Variants in CDK5RAP3 observed in about 807,000 individuals in gnomAD.
CDK5RAP3 encodes the protein CDK5 regulatory subunit-associated protein 3.
Under a neutral mutation model 73.3 loss-of-function variants are expected in CDK5RAP3, and 58 were observed. That is an observed-to-expected ratio of 0.79 (90% CI 0.64 to 0.98). The LOEUF (loss-of-function observed/expected upper bound fraction) is 0.98, where lower values mean the gene tolerates loss of function less well. CDK5RAP3 is among the 50% of genes least tolerant of loss of function. The pLI is 0.00. For synonymous variants in CDK5RAP3, 224 were observed against 247.5 expected (o/e 0.91, Z 0.89); for missense variants, 525 against 615.8 (o/e 0.85, Z 1.56).
At chr17:47,969,185 T>C (rs139995038), upstream of CDK5RAP3, among the ~76,000 whole-genome samples, 158 of 152,262 alleles carry the variant, frequency 1.0e-3, 1 homozygote, top group East Asian at 1.4e-3. Context: ...TATCACACTA[T>C]GCATTTCAAT....
At chr17:47,972,106 A>AC (rs1317684885) in intron 2 of CDK5RAP3, among the ~76,000 whole-genome samples, 1 of 151,190 alleles carries the variant, frequency 6.6e-6, no homozygotes, top group Non-Finnish European at 1.5e-5. Context: ...AAAAAAAAAA[A>AC]ACCTCATTTA....
At chr17:47,971,826 C>CA (rs1204797886) in intron 2 of CDK5RAP3, among the ~76,000 whole-genome samples, 5 of 151,746 alleles carry the variant, frequency 3.3e-5, no homozygotes, top group East Asian at 1.9e-4. Context: ...ACTAAAAATA[C>CA]AAAAAAATAA....
At chr17:47,970,291 A>G (rs1165497140), upstream of CDK5RAP3, among the ~76,000 whole-genome samples, 5 of 152,170 alleles carry the variant, frequency 3.3e-5, no homozygotes, top group Admixed American at 3.3e-4. Flanking sequence ...CATCTACGGT[A>G]TAGAGGTTGG....
chr17:47,979,808 C>T (rs1011173671), intron 11 of CDK5RAP3: 10 of 152,248 alleles, frequency 6.6e-5, no homozygotes, highest in African/African-American at 2.4e-4. Flanking sequence ...GTTCTCTCCT[C>T]TTTCTGCCCA....
chr17:47,978,143 C>T, intron 10 of CDK5RAP3: 1 of 384,414 alleles, frequency 2.6e-6, no homozygotes, highest in Non-Finnish European at 4.7e-6. Flanking sequence ...GATCTCAGCT[C>T]GCTGCAACCT....
At chr17:47,978,390 TGAGAG>T (rs2036469691) in intron 10 of CDK5RAP3, among the ~76,000 whole-genome samples, 1 of 151,894 alleles carries the variant, frequency 6.6e-6, no homozygotes, top group Non-Finnish European at 1.5e-5. Context: ...TCTTAAAAGT[TGAGAG>T]TTTAGAAACT....
chr17:47,974,160 T>C, intron 4 of CDK5RAP3, 129 bp downstream of exon 4: 1 of 744,552 alleles, frequency 1.3e-6, no homozygotes, highest in South Asian at 1.7e-5. Context: ...TTTCACTCTG[T>C]CTCTATAGTT....
intron 10 of CDK5RAP3, 86 bp from the exon 11 acceptor site, chr17:47,978,743 T>G (rs1027029697): frequency 6.0e-5 from 62 of 1,025,490 alleles, no homozygotes; most frequent in Non-Finnish European, 8.4e-5. Context: ...CTGTCCGTAT[T>G]AATCCTCCAG....
intron 9 of CDK5RAP3, 98 bp downstream of exon 9, chr17:47,976,920 C>A: frequency 1.4e-6 from 1 of 702,094 alleles, no homozygotes; most frequent in Non-Finnish European, 2.4e-6. Flanking sequence ...AAGTTCATAG[C>A]TCTAAGACCA....
At chr17:47,976,623 CAA>C in intron 8 of CDK5RAP3, 87 bp from the exon 9 acceptor site, 1 of 915,148 alleles carries the variant, frequency 1.1e-6, no homozygotes, top group Non-Finnish European at 1.8e-6. Context: ...CTCGGCCTCC[CAA>C]AGTACTGGGG....
Position 47,973,588 on chromosome 17 carries a change from T to C in CDK5RAP3, c.122T>C (p.Ile41Thr), listed in dbSNP as rs1711635041. 1.2e-6 allele frequency: 2 copies of C among 1,614,144 alleles called. No homozygotes were observed. The highest frequency in any genetic ancestry group is 1.7e-6 in the Non-Finnish European group (2 of 1,180,028). ...CTGGTGCTGACGATCCGCGAGAAGA[T>C]CAATGCTGCCATCCAGGACATGCCA... ...QSLVLTIREK[I>T]NAAIQDMPES... is the part of the protein sequence containing the mutation. The change falls in exon 3 of 14, where the codon ATC becomes ACC. Residue 41 changes from isoleucine to threonine, a missense_variant. By Grantham distance (89) the Ile-to-Thr change is moderately conservative (BLOSUM62 -1). This residue lies in a region of CDK5RAP3 where 409 missense variants were observed against 429.8 expected (regional missense o/e 0.95). Coordinates refer to ENST00000338399, the MANE Select transcript of CDK5RAP3 (RefSeq NM_176096.3).
At chr17:47,970,635 G>C, upstream of CDK5RAP3, 1 of 1,534,690 alleles carries the variant, frequency 6.5e-7, no homozygotes, top group Non-Finnish European at 8.7e-7. Flanking sequence ...GTCTATTAGA[G>C]AAACTGAATG....
chr17:47,976,664 C>G, intron 8 of CDK5RAP3, 48 bp from the exon 9 acceptor site: 2 of 1,352,696 alleles, frequency 1.5e-6, no homozygotes, highest in Middle Eastern at 2.6e-4. Context: ...ATGCCCGGCC[C>G]TTTTTAAATC....
chr17:47,981,039 A>T, intron 12 of CDK5RAP3, 124 bp from the exon 13 acceptor site: 1 of 1,097,480 alleles, frequency 9.1e-7, no homozygotes, highest in Non-Finnish European at 1.3e-6. Flanking sequence ...GAAAGGGTTT[A>T]AGGATGTGAG....
At chr17:47,974,965 T>TA in intron 5 of CDK5RAP3, 194 bp from the exon 6 acceptor site, 1 of 1,451,198 alleles carries the variant, frequency 6.9e-7, no homozygotes, top group Non-Finnish European at 9.1e-7. Flanking sequence ...TGATAAATGT[T>TA]ATTGTCGCTG....
Position 47,975,922 on chromosome 17 carries a change from C to G in CDK5RAP3, c.707C>G (p.Ser236Ter). Residue 236 changes from serine to a stop codon, truncating the protein, a stop_gained, in exon 8 of 14, where the codon TCA becomes TGA. Transcript: ENST00000338399. LOFTEE classifies it high-confidence loss of function. ...MLRFVQKRGN[S>*]TVYEWRTGTE... The stretch of plus-strand genomic sequence containing the variant: ...CGGTTCGTGCAGAAGCGGGGAAACT[C>G]AACGGTGTACGAGTGGAGGACAGGG... 1.2e-6 allele frequency: 2 copies of G among 1,614,218 alleles called. No homozygotes were observed. The highest frequency in any genetic ancestry group is 2.7e-5 in the African/African-American group (2 of 75,052).
chr17:47,976,098 C>G, intron 8 of CDK5RAP3, 85 bp downstream of exon 8: 3 of 1,498,672 alleles, frequency 2.0e-6, no homozygotes, highest in Admixed American at 2.0e-5. Context: ...ACCCAAGACC[C>G]AGAGAGAAGA....
At position 47,977,939 on chromosome 17, in the gene CDK5RAP3, C is replaced by T. The variant is rs576541549; in HGVS notation, c.988+29C>T. The T allele has an allele frequency of 3.6e-5, 57 of 1,598,368 alleles. 1 individual carries two copies. In the South Asian group the frequency reaches 6.2e-4, roughly 17 times the overall value. ...AGTGCACCATCCCCTGCAGCCCTGGCAAAAGTGGGGTGCTCAAGGGCCCCC... is the reference window on the plus strand; with the variant it reads ...AGTGCACCATCCCCTGCAGCCCTGGTAAAAGTGGGGTGCTCAAGGGCCCCC... On this transcript the variant is annotated intron_variant, in intron 10 of 13. Transcript: ENST00000338399.
rs548293572 is a variant in CDK5RAP3, at chr17:47,974,749, C to T, written c.334+301C>T. 1.6e-4 allele frequency: 204 copies of T among 1,298,666 alleles called. 2 individuals are homozygous for T. The South Asian group carries it at 2.9e-3, about 19-fold the overall frequency. The allele number at this position is 1,298,666 out of a possible 1,614,324, so 80.4% of individuals were successfully genotyped here. Reference sequence around the variant, plus strand: ...AGCGGGAGTGTGCTGCCCCCACCCCCACCCCCGCACCCCCATTCTACACAA... The same window carrying T: ...AGCGGGAGTGTGCTGCCCCCACCCCTACCCCCGCACCCCCATTCTACACAA... On this transcript the variant is annotated intron_variant, in intron 5 of 13. Coordinates refer to ENST00000338399, the MANE Select transcript of CDK5RAP3 (RefSeq NM_176096.3).
Sources: allele counts gnomAD v4.1 joint callset (sites outside exome capture counted in the v4.1 genomes callset), GRCh38; gene constraint gnomAD v4.1.1; regional missense constraint gnomAD v4.1.1; transcripts MANE v1.5; gene names NCBI Gene and HGNC (gene_info 2026-07-23, HGNC 2026-07-21).